SENP6: variants seen among roughly 807,000 people sequenced by gnomAD.
The protein encoded by SENP6 is SUMO specific peptidase 6.
In SENP6, 41 loss-of-function variants were observed where a neutral mutation model predicts 134.5. The observed-to-expected ratio is 0.30, with a 90% CI of 0.24 to 0.40. The LOEUF (loss-of-function observed/expected upper bound fraction) is 0.40. Among genes scored for constraint, SENP6 ranks in the 10% least tolerant of loss-of-function variants. The probability of loss-of-function intolerance (pLI) is 1.00; values close to 1 mark genes in which losing one functional copy is unlikely to be tolerated. For missense variants in SENP6, 1,248 were observed against 1,312.5 expected (o/e 0.95, Z 0.76); for synonymous variants, 395 against 429.8 (o/e 0.92, Z 1.00).
chr6:75,704,025 A>G (rs1775222391), intron 19 of SENP6, among the ~76,000 whole-genome samples: 1 of 152,338 alleles, frequency 6.6e-6, no homozygotes, highest in African/African-American at 2.4e-5. Context: ...ATTGAGATCA[A>G]ATAACCCAAG....
In SENP6 at chr6:75,670,615, A is replaced by G. The variant is rs1772594665; in HGVS notation, c.1287A>G (p.Pro429=). The change falls in exon 11 of 24, where the codon CCA becomes CCG. Residue 429 remains proline (P), a synonymous_variant. Coordinates refer to ENST00000447266, the MANE Select transcript of SENP6 (RefSeq NM_015571.4). ...GTAAAGTGTTTTCTCAAGAACCTCC[A>G]GATGCTTTAGCTTTAAGCTGCCAAA... ...KRRKVFSQEP[P]DALALSCQSS... 2 of 1,613,628 alleles carry G rather than the reference A, an allele frequency of 1.2e-6. No homozygotes were observed. Among genetic ancestry groups the G allele is most frequent in the Admixed American group, 1.7e-5 (1 of 60,014 alleles).
At chr6:75,616,546 A>C (rs1041076018) in intron 1 of SENP6, among the ~76,000 whole-genome samples, 1 of 152,034 alleles carries the variant, frequency 6.6e-6, no homozygotes, top group African/African-American at 2.4e-5. Context: ...CAGGGGTTCG[A>C]GACCAGCCTG....
intron 3 of SENP6, among the ~76,000 whole-genome samples, chr6:75,627,318 A>G (rs1469639011): frequency 1.3e-5 from 2 of 152,166 alleles, no homozygotes; most frequent in Non-Finnish European, 1.5e-5. Flanking sequence ...TTTTCTTTAT[A>G]AAGTTATTCA....
At chr6:75,707,526 C>T (rs909301382) in intron 19 of SENP6, among the ~76,000 whole-genome samples, 100 of 151,442 alleles carry the variant, frequency 6.6e-4, no homozygotes, top group African/African-American at 2.2e-3. Context: ...ACCTGCCCGG[C>T]AAAATTTATT....
Position 75,663,515 on chromosome 6 carries a change from C to G in SENP6, c.991C>G (p.Pro331Ala). ...AACAAGTTTGTCAGACCTAAATGATCCAAGTAAGTATTTTACTCCCTTTAA... is the reference window on the plus strand; with the variant it reads ...AACAAGTTTGTCAGACCTAAATGATGCAAGTAAGTATTTTACTCCCTTTAA... ...RKTSLSDLND[P>A]IILSSDDDDD... The change falls in exon 9 of 24, where the codon CCA becomes GCA. Residue 331 changes from proline to alanine, a missense_variant. By Grantham distance (27) the Pro-to-Ala change is conservative. Coordinates refer to ENST00000447266, the MANE Select transcript of SENP6 (RefSeq NM_015571.4). The G allele has an allele frequency of 1.2e-6, 2 of 1,604,150 alleles. No homozygotes were observed. Among genetic ancestry groups the G allele is most frequent in the Non-Finnish European group, 1.7e-6 (2 of 1,177,998 alleles).
intron 1 of SENP6, among the ~76,000 whole-genome samples, chr6:75,618,734 C>T (rs1439761163): frequency 6.6e-6 from 1 of 152,190 alleles, no homozygotes; most frequent in Admixed American, 6.5e-5. Context: ...ATGTCTGACT[C>T]TAACCTAGCA....
intron 18 of SENP6, among the ~76,000 whole-genome samples, chr6:75,699,349 TTTTGC>T (rs1367069136): frequency 2.7e-5 from 3 of 112,114 alleles, no homozygotes; most frequent in African/African-American, 1.3e-4. Flanking sequence ...TTGTTTTTGT[TTTTGC>T]TTTTTTTTTT....
chr6:75,654,258 G>A (rs1468676374), intron 7 of SENP6, among the ~76,000 whole-genome samples: 1 of 152,146 alleles, frequency 6.6e-6, no homozygotes, highest in African/African-American at 2.4e-5. Context: ...CAAAACATAA[G>A]TAAAGCTGAG....
chr6:75,687,592 G>A (rs927468602), intron 16 of SENP6, among the ~76,000 whole-genome samples: 2 of 151,684 alleles, frequency 1.3e-5, no homozygotes, highest in Non-Finnish European at 2.9e-5. Context: ...TGGTGTAGAT[G>A]ACCTTTTTGT....
intron 21 of SENP6, 69 bp downstream of exon 21, chr6:75,711,485 GTT>G: frequency 7.9e-6 from 7 of 885,392 alleles, no homozygotes; most frequent in South Asian, 4.4e-5. Context: ...TAACAGGACA[GTT>G]TTTTTTTTAA....
In SENP6 at chr6:75,717,379, TTAGA is replaced by T. The variant is rs1240782437; in HGVS notation, c.*1788_*1791del. ...TTTGTAATGCTTACATTTTGCACCC[TTAGA>T]TAATGTTTGATAAGATAAAAATATA... On this transcript the variant is annotated 3_prime_UTR_variant, in exon 24 of 24. Transcript: ENST00000447266. 6.6e-6 allele frequency: 1 copy of T among 152,072 alleles called. No homozygotes were observed. The highest frequency in any genetic ancestry group is 1.5e-5 in the Non-Finnish European group (1 of 67,944). 9.4% of individuals were successfully genotyped at this position (152,072 alleles called of 1,614,324 possible). A position where few individuals can be genotyped will look rare whatever the true frequency, so the allele number is the denominator to read the frequency against.
At chr6:75,703,830 T>TA (rs1368605910) in intron 19 of SENP6, among the ~76,000 whole-genome samples, 2 of 152,186 alleles carry the variant, frequency 1.3e-5, no homozygotes, top group Non-Finnish European at 2.9e-5. Context: ...GCCCTTTTTG[T>TA]AGTCTGTCAC....
At chr6:75,627,480 G>C (rs1305502688) in intron 3 of SENP6, among the ~76,000 whole-genome samples, 1 of 152,128 alleles carries the variant, frequency 6.6e-6, no homozygotes, top group East Asian at 1.9e-4. Flanking sequence ...AAAATAAGAT[G>C]TGAGCAGGCA....
intron 6 of SENP6, among the ~76,000 whole-genome samples, chr6:75,642,121 T>C (rs968382516): frequency 2.6e-5 from 4 of 152,236 alleles, no homozygotes; most frequent in Admixed American, 2.6e-4. Context: ...ATATTTTTGA[T>C]TACATGCTGC....
intron 18 of SENP6, 94 bp from the exon 19 acceptor site, chr6:75,702,548 CAAG>C (rs1195850804): frequency 8.6e-7 from 1 of 1,167,726 alleles, no homozygotes; most frequent in Non-Finnish European, 1.2e-6. Context: ...AATTAATTGG[CAAG>C]AACTTTAGAA....
chr6:75,693,841 A>T (rs1442854845), intron 16 of SENP6, among the ~76,000 whole-genome samples: 1 of 152,212 alleles, frequency 6.6e-6, no homozygotes. Context: ...AACTTGCATA[A>T]GTCCTATGAG....
In SENP6 at chr6:75,713,553, C is replaced by A. The variant is rs781579463; in HGVS notation, c.2950C>A (p.Arg984=). ...LLMDSLRGPS[R]SNVVKILREY... is the part of the protein sequence containing the mutation. ...TATGGACTCACTCCGAGGCCCTTCT[C>A]GGTCAAATGTTGTCAAAATTTTAAG... Residue 984 remains arginine (R), a synonymous_variant, in exon 22 of 24, where the codon CGG becomes AGG. Transcript: ENST00000447266. The A allele has an allele frequency of 6.2e-7, 1 of 1,613,730 alleles. No individual in the cohort carries two copies. Among genetic ancestry groups the A allele is most frequent in the East Asian group, 2.2e-5 (1 of 44,834 alleles).
intron 6 of SENP6, among the ~76,000 whole-genome samples, chr6:75,644,346 TTC>T (rs982728680): frequency 2.6e-5 from 4 of 152,212 alleles, no homozygotes; most frequent in Non-Finnish European, 4.4e-5. Flanking sequence ...ACCTGACGAG[TTC>T]TCTCTAAATA....
intron 3 of SENP6, among the ~76,000 whole-genome samples, chr6:75,629,180 A>G (rs932267393): frequency 3.3e-5 from 5 of 152,236 alleles, no homozygotes; most frequent in Non-Finnish European, 7.3e-5. Flanking sequence ...TAGCTAGTAT[A>G]CTTGTTACTT....
Sources: gnomAD v4.1 joint callset for allele counts (sites outside exome capture counted in the v4.1 genomes callset) on GRCh38, gnomAD v4.1.1 for gene constraint, MANE v1.5 for transcripts, NCBI Gene and HGNC (gene_info 2026-07-23, HGNC 2026-07-21) for gene names.